Variants in RBL2 observed in about 807,000 individuals in gnomAD.
The protein encoded by RBL2 is RB transcriptional corepressor like 2, also known as retinoblastoma-like protein 2.
In RBL2, 56 loss-of-function variants were observed where a neutral mutation model predicts 126.0. The observed-to-expected ratio is 0.44, with a 90% CI of 0.36 to 0.56. The LOEUF (loss-of-function observed/expected upper bound fraction) is 0.56. Ranked by LOEUF, RBL2 falls within the 20% of genes least tolerant of loss-of-function variation. The pLI, the probability that RBL2 is intolerant of heterozygous loss-of-function variation, is 0.00. For missense variants in RBL2, 1,229 were observed against 1,398.2 expected, an observed-to-expected ratio of 0.88 and a Z score of 1.93; for synonymous variants, 454 against 478.5, an observed-to-expected ratio of 0.95 and a Z score of 0.67.
In RBL2 at chr16:53,447,029, TC is replaced by T; in HGVS notation, c.573-12del. 1 of 1,493,112 alleles carries T rather than the reference TC, an allele frequency of 6.7e-7. No homozygotes were observed. Among genetic ancestry groups the T allele is most frequent in the Non-Finnish European group, 8.9e-7 (1 of 1,123,278 alleles). 92.5% of individuals were successfully genotyped at this position (1,493,112 alleles called of 1,614,324 possible). Reference sequence around the variant, plus strand: ...TCTGTTGTCTCATGACTTTTTTTTTTCTTCCCCCAAAGGCGACAGCCCTGTA... The same window carrying T: ...TCTGTTGTCTCATGACTTTTTTTTTTTTCCCCCAAAGGCGACAGCCCTGTA... On this transcript the variant is annotated splice_polypyrimidine_tract_variant and intron_variant, in intron 3 of 21. Transcript: ENST00000262133.
At chr16:53,436,209 C>G (rs2057957270) in intron 1 of RBL2, among the ~76,000 whole-genome samples, 1 of 151,868 alleles carries the variant, frequency 6.6e-6, no homozygotes, top group Non-Finnish European at 1.5e-5. Context: ...TTAAAGGCTT[C>G]CAAACAAGCT....
At chr16:53,459,673 T>C in intron 9 of RBL2, 56 bp downstream of exon 9, 7 of 1,436,748 alleles carry the variant, frequency 4.9e-6, no homozygotes, top group Non-Finnish European at 6.5e-6. Context: ...TTTTCCAATT[T>C]CCTATTCTTT....
intron 17 of RBL2, among the ~76,000 whole-genome samples, chr16:53,473,886 C>T (rs1019876086): frequency 5.3e-5 from 8 of 151,716 alleles, no homozygotes; most frequent in Non-Finnish European, 1.2e-4. Flanking sequence ...CTTGTGTGTC[C>T]ATTGAGATGA....
intron 21 of RBL2, chr16:53,488,397 ATG>A (rs1472235503): frequency 6.6e-6 from 1 of 152,212 alleles, no homozygotes; most frequent in East Asian, 1.9e-4. Flanking sequence ...ACAAGGGAGT[ATG>A]AGGGATTTTT....
chr16:53,439,205 T>C lies in RBL2; in HGVS notation c.371+59T>C, dbSNP rs1466872739. On this transcript the variant is annotated intron_variant, in intron 2 of 21. Coordinates refer to ENST00000262133, the MANE Select transcript of RBL2 (RefSeq NM_005611.4). ...GCTAATGTAAGCTCATAAATCATAG[T>C]GATAGTAAGAATTATCTCTGTTTAT... The C allele has an allele frequency of 3.6e-6, 5 of 1,382,266 alleles. No individual in the cohort carries two copies. The East Asian group carries it at 1.3e-4, about 37-fold the overall frequency. The allele number at this position is 1,382,266 out of a possible 1,614,324, so 85.6% of individuals were successfully genotyped here. A position where few individuals can be genotyped will look rare whatever the true frequency, so the allele number is the denominator to read the frequency against.
rs765680964 is a variant in RBL2 at position 53,480,685 on chromosome 16, G to A, written c.3000G>A (p.Glu1000=). 6.2e-7 allele frequency: 1 copy of A among 1,613,824 alleles called. No individual in the cohort carries two copies. Among genetic ancestry groups the A allele is most frequent in the East Asian group, 2.2e-5 (1 of 44,878 alleles). ...LTGANSDMEE[E]ERGDLIQFYN... Reference sequence around the variant, plus strand: ...GTGCCAACAGTGACATGGAAGAAGAGGAGAGGGGAGACCTCATTCAGTTCT... The same window carrying A: ...GTGCCAACAGTGACATGGAAGAAGAAGAGAGGGGAGACCTCATTCAGTTCT... Residue 1000 remains glutamate (E), a synonymous_variant, in exon 20 of 22, where the codon GAG becomes GAA. Coordinates refer to ENST00000262133, the MANE Select transcript of RBL2 (RefSeq NM_005611.4).
intron 21 of RBL2, among the ~76,000 whole-genome samples, chr16:53,482,545 C>T (rs1011448461): frequency 3.3e-5 from 5 of 152,256 alleles, no homozygotes; most frequent in African/African-American, 2.4e-5. Flanking sequence ...CGTTGTGGCT[C>T]ACACCTGTAA....
chr16:53,443,719 T>A (rs1473760885), intron 3 of RBL2, among the ~76,000 whole-genome samples: 1 of 152,196 alleles, frequency 6.6e-6, no homozygotes, highest in Non-Finnish European at 1.5e-5. Flanking sequence ...GGAGTTAAAA[T>A]TATTTGGCTA....
chr16:53,440,107 C>G (rs1304017801), intron 2 of RBL2, among the ~76,000 whole-genome samples: 1 of 151,986 alleles, frequency 6.6e-6, no homozygotes, highest in Non-Finnish European at 1.5e-5. Context: ...ATCAGCCTGG[C>G]CAATATGGTG....
chr16:53,463,717 G>C (rs1318789530), intron 11 of RBL2, among the ~76,000 whole-genome samples: 5 of 151,608 alleles, frequency 3.3e-5, no homozygotes, highest in Non-Finnish European at 7.4e-5. Flanking sequence ...ACAGGTGTGT[G>C]CCACCACACC....
At chr16:53,463,561 CTTTTTTTTTTTT>C (rs770657237) in intron 11 of RBL2, among the ~76,000 whole-genome samples, 32 of 94,406 alleles carry the variant, frequency 3.4e-4, no homozygotes, top group Non-Finnish European at 5.2e-4. Context: ...TTTTTTTTTC[CTTTTTTTTTTTT>C]TTTTTTTTTT....
intron 21 of RBL2, among the ~76,000 whole-genome samples, chr16:53,482,478 T>C (rs528992821): frequency 8.5e-5 from 13 of 152,144 alleles, no homozygotes; most frequent in Non-Finnish European, 1.8e-4. Context: ...TGGAACTGGA[T>C]TGTGAAGGCC....
intron 3 of RBL2, among the ~76,000 whole-genome samples, chr16:53,445,251 T>C (rs561474965): frequency 6.7e-6 from 1 of 150,028 alleles, no homozygotes; most frequent in East Asian, 2.0e-4. Context: ...CACTTGAGCC[T>C]GGGAGGTTGA....
At position 53,490,570 on chromosome 16, in the gene RBL2, CT is replaced by C; in HGVS notation, c.*274del. The C allele has an allele frequency of 3.2e-6, 1 of 315,884 alleles. No homozygotes were observed. Among genetic ancestry groups the C allele is most frequent in the Non-Finnish European group, 5.7e-6 (1 of 174,188 alleles). 19.6% of individuals were successfully genotyped at this position (315,884 alleles called of 1,614,324 possible). A position where few individuals can be genotyped will look rare whatever the true frequency, so the allele number is the denominator to read the frequency against. On this transcript the variant is annotated 3_prime_UTR_variant, in exon 22 of 22. Coordinates refer to ENST00000262133, the MANE Select transcript of RBL2 (RefSeq NM_005611.4). ...ACTTGGATTTTTGACTCTGGCAAAGCTTTTAGAAATACTGCAAGAAAATGAT... is the reference window on the plus strand; with the variant it reads ...ACTTGGATTTTTGACTCTGGCAAAGCTTTAGAAATACTGCAAGAAAATGAT...
intron 2 of RBL2, among the ~76,000 whole-genome samples, chr16:53,442,378 A>G (rs1384510259): frequency 6.6e-6 from 1 of 152,190 alleles, no homozygotes; most frequent in Non-Finnish European, 1.5e-5. Flanking sequence ...ACCAACGTGA[A>G]TGTTGGTTAG....
intron 4 of RBL2, chr16:53,449,589 A>G (rs1250725854): frequency 6.7e-6 from 1 of 149,766 alleles, no homozygotes; most frequent in Non-Finnish European, 1.5e-5. Flanking sequence ...GTGTCTCGAA[A>G]AAAAAAAAAA....
intron 11 of RBL2, among the ~76,000 whole-genome samples, chr16:53,463,084 G>A (rs1598109865): frequency 2.0e-5 from 3 of 152,258 alleles, no homozygotes; most frequent in South Asian, 4.1e-4. Flanking sequence ...CAGGTGGTCC[G>A]CATGCCTTGG....
At chr16:53,482,337 T>C (rs1480083185) in intron 21 of RBL2, among the ~76,000 whole-genome samples, 1 of 152,158 alleles carries the variant, frequency 6.6e-6, no homozygotes, top group African/African-American at 2.4e-5. Flanking sequence ...GGCCTTAATG[T>C]TGAAAAGTCA....
Position 53,490,267 on chromosome 16 carries a change from C to T in RBL2, c.3387C>T (p.Leu1129=), listed in dbSNP as rs1254202441. The T allele has an allele frequency of 5.0e-6, 8 of 1,611,724 alleles. No homozygotes were observed. In the Admixed American group the frequency reaches 6.7e-5, roughly 13 times the overall value. ...ATCATTCTGCCTTATTACGCCGTCT[C>T]CAAGATGTAGCTAATGACCGTGGTT... ...PENHSALLRR[L]QDVANDRGSH Residue 1129 remains leucine, a synonymous_variant, in exon 22 of 22, where the codon CTC becomes CTT. Coordinates refer to ENST00000262133, the MANE Select transcript of RBL2 (RefSeq NM_005611.4).
Sources: allele counts gnomAD v4.1 joint callset (sites outside exome capture counted in the v4.1 genomes callset), GRCh38; gene constraint gnomAD v4.1.1; transcripts MANE v1.5; gene names NCBI Gene and HGNC (gene_info 2026-07-23, HGNC 2026-07-21).